Variants in NIN observed in about 807,000 individuals in gnomAD.
NIN encodes the protein ninein, also known as glycogen synthase kinase 3 beta-interacting protein.
In NIN, 137 loss-of-function variants were observed where a neutral mutation model predicts 257.6. That is an observed-to-expected ratio of 0.53 (90% CI 0.46 to 0.61). NIN has a LOEUF of 0.61. NIN is among the 20% of genes least tolerant of loss of function. The pLI is 0.00. For synonymous variants in NIN, 918 were observed against 919.8 expected (o/e 1.00, Z 0.04); for missense variants, 2,439 against 2,501.2 (o/e 0.98, Z 0.53).
chr14:50,736,506 A>G (rs1036228426), intron 27 of NIN, among the ~76,000 whole-genome samples: 1 of 152,176 alleles, frequency 6.6e-6, no homozygotes, highest in Non-Finnish European at 1.5e-5. Context: ...AATATTGCTC[A>G]GTAAAAAACA....
chr14:50,769,345 C>A (rs1332587496), intron 12 of NIN, among the ~76,000 whole-genome samples: 1 of 152,082 alleles, frequency 6.6e-6, no homozygotes, highest in Non-Finnish European at 1.5e-5. Flanking sequence ...GTGTAAGAGT[C>A]CAGCAAAGAG....
At chr14:50,738,664 T>C (rs554053017) in intron 26 of NIN, among the ~76,000 whole-genome samples, 9 of 152,310 alleles carry the variant, frequency 5.9e-5, no homozygotes, top group Admixed American at 1.3e-4. Flanking sequence ...TCTGCTCTTA[T>C]TGGACTATTC....
chr14:50,745,905 G>A (rs186895663), intron 22 of NIN, among the ~76,000 whole-genome samples: 1 of 152,142 alleles, frequency 6.6e-6, no homozygotes, highest in Admixed American at 6.5e-5. Context: ...TTGTATAATA[G>A]CAATGATGGG....
chr14:50,831,131 C>G lies in NIN; in HGVS notation c.-201G>C, dbSNP rs965893959. 1 of 150,102 alleles carries G rather than the reference C, an allele frequency of 6.7e-6. No individual in the cohort carries two copies. Among genetic ancestry groups the G allele is most frequent in the African/African-American group, 2.4e-5 (1 of 41,216 alleles). The allele number at this position is 150,102 out of a possible 1,614,324, so 9.3% of individuals were successfully genotyped here. The stretch of plus-strand genomic sequence containing the variant: ...TCGGCTCCCGGCTCGGCCGCGGCCA[C>G]CCGGAGCTCTGGACGCCGGGGAGGA... On this transcript the variant is annotated 5_prime_UTR_variant, in exon 1 of 31. Coordinates refer to ENST00000530997, the MANE Select transcript of NIN (RefSeq NM_020921.4).
Position 50,723,526 on chromosome 14 carries a change from G to C in NIN, c.6339C>G (p.Leu2113=). 2 of 1,613,806 alleles carry C rather than the reference G, an allele frequency of 1.2e-6. No homozygotes were observed. Among genetic ancestry groups the C allele is most frequent in the Non-Finnish European group, 1.7e-6 (2 of 1,179,850 alleles). The part of the protein sequence containing the change: ...NYLLEEKIAS[L]SNIVRNLTPA... ...GTGTCAGATTCCTAACTATATTACT[G>C]AGGCTGGCAATCTTCTCCTCCAGGA... Residue 2113 remains leucine, a synonymous_variant, in exon 31 of 31, where the codon CTC becomes CTG. Coordinates refer to ENST00000530997, the MANE Select transcript of NIN (RefSeq NM_020921.4).
chr14:50,800,007 T>TACACACACACACACACACACAC (rs71118902), intron 4 of NIN, among the ~76,000 whole-genome samples: 2 of 148,152 alleles, frequency 1.3e-5, no homozygotes, highest in East Asian at 2.0e-4. Flanking sequence ...TATATACACA[T>TACACACACACACACACACACAC]ACACACACAC....
At chr14:50,730,877 G>T in intron 28 of NIN, 1 of 1,307,624 alleles carries the variant, frequency 7.6e-7, no homozygotes, top group Non-Finnish European at 1.0e-6. Context: ...GGGGTTTAAT[G>T]AGATGGCTCC....
intron 4 of NIN, among the ~76,000 whole-genome samples, chr14:50,799,899 C>A (rs1047102525): frequency 1.3e-5 from 2 of 151,972 alleles, no homozygotes; most frequent in East Asian, 1.9e-4. Flanking sequence ...CGCTTGAACC[C>A]GGGAGGCAGA....
chr14:50,741,996 T>C (rs1595738805), intron 24 of NIN: 1 of 356,234 alleles, frequency 2.8e-6, no homozygotes, highest in East Asian at 4.4e-5. Flanking sequence ...TATCTTACAA[T>C]ACCAATGGGT....
At chr14:50,795,910 C>T (rs940891951) in intron 4 of NIN, among the ~76,000 whole-genome samples, 4 of 152,262 alleles carry the variant, frequency 2.6e-5, no homozygotes, top group Non-Finnish European at 4.4e-5. Context: ...ACCTAGGAGG[C>T]AGAGGCTGCA....
At chr14:50,824,847 T>C (rs979668111) in intron 2 of NIN, among the ~76,000 whole-genome samples, 1 of 152,190 alleles carries the variant, frequency 6.6e-6, no homozygotes, top group Non-Finnish European at 1.5e-5. Flanking sequence ...CCACCCTTTC[T>C]CAAAGGCATT....
At chr14:50,742,125 T>G (rs1232859276) in intron 24 of NIN, 1 of 156,136 alleles carries the variant, frequency 6.4e-6, no homozygotes, top group African/African-American at 2.4e-5. Context: ...TGTAGAATCC[T>G]ATTCTAGGCT....
At chr14:50,828,600 A>C (rs2045568207) in intron 2 of NIN, among the ~76,000 whole-genome samples, 1 of 152,212 alleles carries the variant, frequency 6.6e-6, no homozygotes, top group Admixed American at 6.5e-5. Context: ...ACGCTGTTTA[A>C]ATCCTTCTAA....
rs761152866 is a variant in NIN at position 50,757,902 on chromosome 14, T to C, written c.3128A>G (p.Glu1043Gly). 1 of 1,614,048 alleles carries C rather than the reference T, an allele frequency of 6.2e-7. No homozygotes were observed. Among genetic ancestry groups the C allele is most frequent in the Non-Finnish European group, 8.5e-7 (1 of 1,179,976 alleles). The part of the protein sequence containing the change: ...QSGCQVIGEE[E>G]VEGDGALSLL... Reference sequence around the variant, plus strand: ...GGACAGGGCTCCATCTCCTTCCACCTCCTCCTCTCCTATCACCTGGCAACC... The same window carrying C: ...GGACAGGGCTCCATCTCCTTCCACCCCCTCCTCTCCTATCACCTGGCAACC... Residue 1043 changes from glutamate (E) to glycine (G), a missense_variant, in exon 18 of 31, where the codon GAG becomes GGG. This residue lies in a region of NIN where 2,043 missense variants were observed against 2,050.2 expected (regional missense o/e 1.00). Transcript: ENST00000530997.
intron 2 of NIN, among the ~76,000 whole-genome samples, chr14:50,828,223 T>A (rs2045552790): frequency 6.6e-6 from 1 of 152,190 alleles, no homozygotes; most frequent in Admixed American, 6.5e-5. Flanking sequence ...GTGAAGGTGA[T>A]CTTCTCTTCT....
intron 4 of NIN, among the ~76,000 whole-genome samples, chr14:50,804,904 T>C (rs556585063): frequency 6.6e-6 from 1 of 152,336 alleles, no homozygotes. Flanking sequence ...ATGCAGCCCA[T>C]GGGCCGTGGG....
chr14:50,782,898 C>T (rs1264313448), intron 5 of NIN, among the ~76,000 whole-genome samples: 2 of 152,258 alleles, frequency 1.3e-5, no homozygotes, highest in African/African-American at 2.4e-5. Flanking sequence ...CAGAGACACT[C>T]GACTGAGATC....
At chr14:50,725,820 T>C (rs371788381) in intron 30 of NIN, 133 bp downstream of exon 30, 2 of 1,519,688 alleles carry the variant, frequency 1.3e-6, no homozygotes, top group Non-Finnish European at 1.8e-6. Flanking sequence ...CCTAAGTTCT[T>C]ACAGACATTT....
chr14:50,795,186 G>C (rs182458256), intron 4 of NIN, among the ~76,000 whole-genome samples: 1 of 152,216 alleles, frequency 6.6e-6, no homozygotes, highest in Admixed American at 6.5e-5. Context: ...AAGAAAAATG[G>C]GTTAAAGTTT....
Sources: gnomAD v4.1 joint callset for allele counts (sites outside exome capture counted in the v4.1 genomes callset) on GRCh38, gnomAD v4.1.1 for gene constraint, gnomAD v4.1.1 regional missense constraint, MANE v1.5 for transcripts, NCBI Gene and HGNC (gene_info 2026-07-23, HGNC 2026-07-21) for gene names.